UFM1: variants seen among roughly 807,000 people sequenced by gnomAD.
The protein encoded by UFM1 is ubiquitin fold modifier 1.
UFM1 carries 9 observed loss-of-function variants against 15.4 expected under a neutral mutation model. The ratio of observed to expected loss-of-function variants is 0.59; its 90% CI spans 0.35 to 1.02. UFM1 has a LOEUF of 1.02. UFM1 is among the 50% of genes least tolerant of loss of function. The pLI, the probability that UFM1 is intolerant of heterozygous loss-of-function variation, is 0.02. For missense variants in UFM1, 98 were observed against 104.7 expected, an observed-to-expected ratio of 0.94 and a Z score of 0.28; for synonymous variants, 27 against 36.3, an observed-to-expected ratio of 0.74 and a Z score of 0.92.
In UFM1 at chr13:38,354,220, T is replaced by C; in HGVS notation, c.60-19T>C. 1.2e-6 allele frequency: 2 copies of C among 1,606,404 alleles called. No individual in the cohort carries two copies. Among genetic ancestry groups the C allele is most frequent in the Non-Finnish European group, 1.7e-6 (2 of 1,175,134 alleles). On this transcript the variant is annotated intron_variant, in intron 2 of 5. Transcript: ENST00000239878. ...AAATGGTGACTTTAAAAGAAACTGTTTTAAAATTCTTCTTGCAGACTCAGT... is the reference window on the plus strand; with the variant it reads ...AAATGGTGACTTTAAAAGAAACTGTCTTAAAATTCTTCTTGCAGACTCAGT...
intron 2 of UFM1, among the ~76,000 whole-genome samples, chr13:38,351,894 T>G (rs1479325295): frequency 6.6e-6 from 1 of 151,872 alleles, no homozygotes; most frequent in East Asian, 1.9e-4. Context: ...ACATAACGTG[T>G]AAATGTGTGT....
Position 38,360,166 on chromosome 13 carries a change from A to G in UFM1, c.191-545A>G, listed in dbSNP as rs79916385. On this transcript the variant is annotated intron_variant, in intron 5 of 5. Coordinates refer to ENST00000239878, the MANE Select transcript of UFM1 (RefSeq NM_016617.4). ...TTTATTGAAAATCGTGAGGCACTTT[A>G]TTGTATGGATGCCTTTAAACTTAGT... The G allele has an allele frequency of 2.8e-3, 780 of 276,928 alleles. 2 individuals are homozygous for G. The highest frequency in any genetic ancestry group is 0.016 in the African/African-American group (712 of 43,456). 17.2% of individuals were successfully genotyped at this position (276,928 alleles called of 1,614,324 possible). A position where few individuals can be genotyped will look rare whatever the true frequency, so the allele number is the denominator to read the frequency against.
In UFM1 at chr13:38,362,649, A is replaced by C. The variant is rs1879470039; in HGVS notation, c.*1871A>C. The C allele has an allele frequency of 6.6e-6, 1 of 151,978 alleles. No homozygotes were observed. The highest frequency in any genetic ancestry group is 2.1e-4 in the South Asian group (1 of 4,828). 9.4% of individuals were successfully genotyped at this position (151,978 alleles called of 1,614,324 possible). A position where few individuals can be genotyped will look rare whatever the true frequency, so the allele number is the denominator to read the frequency against. ...GATGTTCAGAGGCCCCGTTTCTTAC[A>C]ATAAATGTTGAGTCTTAGTTAAGCA... On this transcript the variant is annotated 3_prime_UTR_variant, in exon 6 of 6. Coordinates refer to ENST00000239878, the MANE Select transcript of UFM1 (RefSeq NM_016617.4).
intron 2 of UFM1, among the ~76,000 whole-genome samples, chr13:38,351,456 A>C (rs1333690650): frequency 6.6e-6 from 1 of 152,232 alleles, no homozygotes; most frequent in African/African-American, 2.4e-5. Flanking sequence ...ATCAGAGGGA[A>C]ATTCTATCAT....
In UFM1 at chr13:38,359,323, A is replaced by C. The variant is rs138603142; in HGVS notation, c.180A>C (p.Ala60=). 5.4e-5 allele frequency: 87 copies of C among 1,611,734 alleles called. No individual in the cohort carries two copies. The Middle Eastern group carries it at 1.0e-3, about 19-fold the overall frequency. ...ITNDGIGINP[A]QTAGNVFLKH... is the part of the protein sequence containing the mutation. The stretch of plus-strand genomic sequence containing the variant: ...TAGATGGAATAGGAATAAATCCTGC[A>C]CAGACTGCTGGTGAGTATTTGAAAA... The change falls in exon 5 of 6, where the codon GCA becomes GCC. Residue 60 remains alanine (A), a synonymous_variant. Coordinates refer to ENST00000239878, the MANE Select transcript of UFM1 (RefSeq NM_016617.4).
At chr13:38,356,994 A>G (rs937911252) in intron 3 of UFM1, among the ~76,000 whole-genome samples, 5 of 151,968 alleles carry the variant, frequency 3.3e-5, no homozygotes, top group Non-Finnish European at 2.9e-5. Context: ...AATAAATTCC[A>G]TACCACATTT....
At chr13:38,354,526 A>G (rs1408554378) in intron 3 of UFM1, 1 of 371,848 alleles carries the variant, frequency 2.7e-6, no homozygotes, top group Non-Finnish European at 4.8e-6. Flanking sequence ...ATAAGAATTT[A>G]ATGAATTTTT....
chr13:38,359,828 G>GA (rs1566034309), intron 5 of UFM1: 1 of 169,258 alleles, frequency 5.9e-6, no homozygotes, highest in African/African-American at 2.4e-5. Context: ...CTGACCAGGA[G>GA]ACAGGGTAAA....
Position 38,353,336 on chromosome 13 carries a change from GT to G in UFM1, c.60-902del, listed in dbSNP as rs141140855. Among the ~76,000 whole-genome samples the G allele has an allele frequency of 9.4e-3, 1,431 of 152,242 alleles. 18 individuals are homozygous for G. Among genetic ancestry groups the G allele is most frequent in the African/African-American group, 0.025 (1,050 of 41,558 alleles). On this transcript the variant is annotated intron_variant, in intron 2 of 5. Coordinates refer to ENST00000239878, the MANE Select transcript of UFM1 (RefSeq NM_016617.4). ...AAGTTTCAGTGAGAAATGTTAGCTT[GT>G]AAGTCTCCTCTGCTTTGAAAGATTG...
At chr13:38,352,899 G>A (rs1878924424) in intron 2 of UFM1, among the ~76,000 whole-genome samples, 1 of 152,098 alleles carries the variant, frequency 6.6e-6, no homozygotes, top group African/African-American at 2.4e-5. Context: ...AGAGTTTTAG[G>A]AAAATGAATC....
At position 38,360,878 on chromosome 13, in the gene UFM1, C is replaced by A; in HGVS notation, c.*100C>A. On this transcript the variant is annotated 3_prime_UTR_variant, in exon 6 of 6. Transcript: ENST00000239878. ...AGGCATTTAACATACTATGAAAACA[C>A]CAGGAGTCAATGATTAATGAAAGGT... The A allele has an allele frequency of 3.2e-6, 3 of 936,686 alleles. No individual in the cohort carries two copies. Among genetic ancestry groups the A allele is most frequent in the Non-Finnish European group, 5.0e-6 (3 of 595,834 alleles). 58.0% of individuals were successfully genotyped at this position (936,686 alleles called of 1,614,324 possible). A position where few individuals can be genotyped will look rare whatever the true frequency, so the allele number is the denominator to read the frequency against.
At chr13:38,351,440 C>G (rs1317480834) in intron 2 of UFM1, among the ~76,000 whole-genome samples, 2 of 152,200 alleles carry the variant, frequency 1.3e-5, no homozygotes, top group African/African-American at 4.8e-5. Context: ...CCCTTGCTAT[C>G]AAGCCATCAG....
At chr13:38,353,804 A>G (rs531105196) in intron 2 of UFM1, among the ~76,000 whole-genome samples, 6 of 152,212 alleles carry the variant, frequency 3.9e-5, no homozygotes, top group African/African-American at 1.4e-4. Flanking sequence ...GATGCTTCCC[A>G]AGTAGCCTTC....
At chr13:38,360,637 A>G (rs112589954) in intron 5 of UFM1, 74 bp from the exon 6 acceptor site, 4 of 1,134,912 alleles carry the variant, frequency 3.5e-6, no homozygotes, top group African/African-American at 3.1e-5. Flanking sequence ...CATTTATTAT[A>G]TTTAATAATT....
chr13:38,352,464 A>G (rs1249887357), intron 2 of UFM1, among the ~76,000 whole-genome samples: 1 of 152,124 alleles, frequency 6.6e-6, no homozygotes, highest in African/African-American at 2.4e-5. Context: ...CTTAGTCTTT[A>G]TAATAATTCT....
At chr13:38,352,274 T>G (rs993803933) in intron 2 of UFM1, among the ~76,000 whole-genome samples, 1 of 152,024 alleles carries the variant, frequency 6.6e-6, no homozygotes, top group Non-Finnish European at 1.5e-5. Context: ...ATTTTTTGTA[T>G]TTTTAGTAGA....
rs970427061 is a variant in UFM1, at chr13:38,362,287, A to G, written c.*1509A>G. On this transcript the variant is annotated 3_prime_UTR_variant, in exon 6 of 6. Coordinates refer to ENST00000239878, the MANE Select transcript of UFM1 (RefSeq NM_016617.4). ...CCCTAAGTTCATTGGGGGAAAAAAA[A>G]TAAGAAGATTCAACAGAATCAGCAT... 1 of 152,168 alleles carries G rather than the reference A, an allele frequency of 6.6e-6. No homozygotes were observed. The highest frequency in any genetic ancestry group is 1.5e-5 in the Non-Finnish European group (1 of 68,028). The allele number at this position is 152,168 out of a possible 1,614,324, so 9.4% of individuals were successfully genotyped here.
chr13:38,352,102 C>CTTT (rs35879418), intron 2 of UFM1, among the ~76,000 whole-genome samples: 262 of 105,024 alleles, frequency 2.5e-3, no homozygotes, highest in Middle Eastern at 4.9e-3. Flanking sequence ...TTCTTTCTTT[C>CTTT]TTTTTTTTTT....
rs1324144464 is a variant in UFM1 at position 38,361,969 on chromosome 13, C to CA, written c.*1195dup. The CA allele has an allele frequency of 6.6e-6, 1 of 152,144 alleles. No individual in the cohort carries two copies. The highest frequency in any genetic ancestry group is 1.9e-4 in the East Asian group (1 of 5,198). 9.4% of individuals were successfully genotyped at this position (152,144 alleles called of 1,614,324 possible). A position where few individuals can be genotyped will look rare whatever the true frequency, so the allele number is the denominator to read the frequency against. ...ACTGGCCTTGTCAACATACAGACTT[C>CA]AAAATACCCCTTATGAGAATCCAAA... On this transcript the variant is annotated 3_prime_UTR_variant, in exon 6 of 6. Coordinates refer to ENST00000239878, the MANE Select transcript of UFM1 (RefSeq NM_016617.4).
Sources: allele counts gnomAD v4.1 joint callset (sites outside exome capture counted in the v4.1 genomes callset), GRCh38; gene constraint gnomAD v4.1.1; transcripts MANE v1.5; gene names NCBI Gene and HGNC (gene_info 2026-07-23, HGNC 2026-07-21).